VPS13A: variants seen among roughly 807,000 people sequenced by gnomAD.
VPS13A encodes the protein vacuolar protein sorting 13 homolog A.
In VPS13A, 264 loss-of-function variants were observed where a neutral mutation model predicts 390.9. The observed-to-expected ratio is 0.68, with a 90% CI of 0.61 to 0.75. VPS13A has a LOEUF of 0.75. Among genes scored for constraint, VPS13A ranks in the 30% least tolerant of loss-of-function variants. VPS13A has a pLI of 0.00. For synonymous variants in VPS13A, 1,231 were observed against 1,227.1 expected (o/e 1.00, Z -0.07); for missense variants, 3,409 against 3,733.9 (o/e 0.91, Z 2.27).
At chr9:77,189,071 A>G (rs1219484677) in intron 1 of VPS13A, among the ~76,000 whole-genome samples, 1 of 134,898 alleles carries the variant, frequency 7.4e-6, no homozygotes, top group Non-Finnish European at 1.6e-5. Flanking sequence ...TTGTCTGTTT[A>G]CTCTGTGGAC....
At chr9:77,404,146 A>AAAGT (rs1311549242) in intron 69 of VPS13A, among the ~76,000 whole-genome samples, 2 of 152,154 alleles carry the variant, frequency 1.3e-5, no homozygotes, top group Non-Finnish European at 2.9e-5. Context: ...ATACCTGTAA[A>AAAGT]AAGTAAGTCT....
intron 68 of VPS13A, among the ~76,000 whole-genome samples, chr9:77,400,971 G>A (rs1834364129): frequency 6.6e-6 from 1 of 152,010 alleles, no homozygotes; most frequent in African/African-American, 2.4e-5. Flanking sequence ...TACTTAAAAC[G>A]CCATTTATTT....
rs76298245 is a variant in VPS13A at position 77,388,987 on chromosome 9, C to T, written c.9189+6900C>T. Reference sequence around the variant, plus strand: ...ACAACTTTAGTATTTTATAAAGATACGAAATTTTTCAACATTAGTTATTTT... The same window carrying T: ...ACAACTTTAGTATTTTATAAAGATATGAAATTTTTCAACATTAGTTATTTT... On this transcript the variant is annotated intron_variant, in intron 68 of 71. Transcript: ENST00000360280. 5.5e-3 allele frequency among the ~76,000 whole-genome samples: 842 copies of T among 152,060 alleles called. 7 individuals are homozygous for T. The highest frequency in any genetic ancestry group is 0.014 in the Middle Eastern group (4 of 292).
At chr9:77,246,112 A>G (rs1486512943) in intron 19 of VPS13A, among the ~76,000 whole-genome samples, 1 of 152,234 alleles carries the variant, frequency 6.6e-6, no homozygotes, top group African/African-American at 2.4e-5. Flanking sequence ...CACCTCCAGC[A>G]TTAAAAATCA....
chr9:77,230,989 G>A (rs1587378219), intron 17 of VPS13A, among the ~76,000 whole-genome samples: 1 of 151,988 alleles, frequency 6.6e-6, no homozygotes, highest in African/African-American at 2.4e-5. Flanking sequence ...GTATTTTATT[G>A]TTTTTGATGA....
intron 23 of VPS13A, among the ~76,000 whole-genome samples, chr9:77,266,617 G>A (rs986680144): frequency 6.6e-6 from 1 of 151,994 alleles, no homozygotes; most frequent in African/African-American, 2.4e-5. Context: ...TTCAACCTTG[G>A]TGAATCTGAC....
chr9:77,396,949 G>C (rs1343712670), intron 68 of VPS13A, among the ~76,000 whole-genome samples: 1 of 152,056 alleles, frequency 6.6e-6, no homozygotes, highest in Non-Finnish European at 1.5e-5. Flanking sequence ...ATATTTTCTT[G>C]CTTGATAGTA....
intron 52 of VPS13A, among the ~76,000 whole-genome samples, chr9:77,345,392 T>C (rs938494332): frequency 3.3e-5 from 5 of 152,222 alleles, no homozygotes; most frequent in African/African-American, 1.2e-4. Flanking sequence ...AGCTTGTTCA[T>C]TGTTGACTCT....
rs1273870159 is a variant in VPS13A at position 77,182,137 on chromosome 9, G to T, written c.100+4333G>T. On this transcript the variant is annotated intron_variant, in intron 1 of 71. Coordinates refer to ENST00000360280, the MANE Select transcript of VPS13A (RefSeq NM_033305.3). Reference sequence around the variant, plus strand: ...GAGACGGAGTCTCGTTCTGTCACCCGGGTGGGAGTGCAGTGACGCGATCTC... The same window carrying T: ...GAGACGGAGTCTCGTTCTGTCACCCTGGTGGGAGTGCAGTGACGCGATCTC... Among the ~76,000 whole-genome samples the T allele has an allele frequency of 2.0e-5, 3 of 151,870 alleles. No individual in the cohort carries two copies. The South Asian group carries it at 6.2e-4, about 32-fold the overall frequency.
In VPS13A at chr9:77,382,336, G is replaced by A. The variant is rs781066884; in HGVS notation, c.9189+249G>A. 4.6e-6 allele frequency: 7 copies of A among 1,534,910 alleles called. No individual in the cohort carries two copies. In the African/African-American group the frequency reaches 9.6e-5, roughly 21 times the overall value. On this transcript the variant is annotated intron_variant, in intron 68 of 71. Transcript: ENST00000360280. ...ATGACTTTGCAAGTGAAAGCCAACAGTAGATTTTAGTCTTAAAATTTACAA... is the reference window on the plus strand; with the variant it reads ...ATGACTTTGCAAGTGAAAGCCAACAATAGATTTTAGTCTTAAAATTTACAA...
rs10491845 is a variant in VPS13A at position 77,351,094 on chromosome 9, T to C, written c.7290-223T>C. 39,550 of 455,562 alleles carry C rather than the reference T, an allele frequency of 0.087. 1,968 individuals carry two copies. Among genetic ancestry groups the C allele is most frequent in the East Asian group, 0.12 (2,473 of 19,802 alleles). 28.2% of individuals were successfully genotyped at this position (455,562 alleles called of 1,614,324 possible). A position where few individuals can be genotyped will look rare whatever the true frequency, so the allele number is the denominator to read the frequency against. ...ACAGTTTTAAAGACTTGAAGACCTT[T>C]ATTTCCTAAGTAGAACATGTATTTT... On this transcript the variant is annotated intron_variant, in intron 52 of 71. Transcript: ENST00000360280.
chr9:77,190,559 G>C (rs551799453), intron 1 of VPS13A, among the ~76,000 whole-genome samples: 9 of 152,142 alleles, frequency 5.9e-5, no homozygotes, highest in Non-Finnish European at 8.8e-5. Context: ...TCTCTGCCAG[G>C]TTTTGTTATC....
intron 71 of VPS13A, among the ~76,000 whole-genome samples, chr9:77,411,662 A>AAAAAAAG (rs1834932202): frequency 1.1e-5 from 1 of 92,954 alleles, no homozygotes; most frequent in African/African-American, 4.3e-5. Flanking sequence ...CTCCATCTCA[A>AAAAAAAG]AAAAAAAAAA....
chr9:77,206,149 A>G (rs1479802145), intron 5 of VPS13A, 70 bp downstream of exon 5: 6 of 1,087,186 alleles, frequency 5.5e-6, no homozygotes, highest in Non-Finnish European at 6.7e-6. Context: ...TCATAATTGA[A>G]TATTATTTTT....
At chr9:77,369,267 TGA>T (rs1290654916) in intron 62 of VPS13A, 30 bp from the exon 63 acceptor site, 1 of 1,488,684 alleles carries the variant, frequency 6.7e-7, no homozygotes, top group African/African-American at 1.4e-5. Flanking sequence ...TCTAATTATC[TGA>T]ATTGATTAAT....
chr9:77,368,237 G>A, intron 62 of VPS13A, 101 bp downstream of exon 62: 1 of 933,588 alleles, frequency 1.1e-6, no homozygotes, highest in Non-Finnish European at 1.7e-6. Context: ...GAACTAAATA[G>A]CCATTTTCAA....
At chr9:77,359,224 T>C (rs1028093308) in intron 57 of VPS13A, 109 bp from the exon 58 acceptor site, 8 of 906,030 alleles carry the variant, frequency 8.8e-6, no homozygotes, top group South Asian at 1.5e-5. Context: ...TTAACTGATA[T>C]TTATTATTTA....
intron 17 of VPS13A, among the ~76,000 whole-genome samples, chr9:77,235,521 G>C (rs746677944): frequency 6.6e-5 from 10 of 152,098 alleles, no homozygotes; most frequent in Non-Finnish European, 1.5e-5. Context: ...TGCTGTGTGA[G>C]TCTCTGAGTT....
rs1564630271 is a variant in VPS13A at position 77,207,235 on chromosome 9, AT to A, written c.385+1157del. The stretch of plus-strand genomic sequence containing the variant: ...ATATTATATATATATATATATATAT[AT>A]ATATATATATATATATAAAACGTGT... On this transcript the variant is annotated intron_variant, in intron 5 of 71. Transcript: ENST00000360280. Among the ~76,000 whole-genome samples, 10 of 109,012 alleles carry A rather than the reference AT, an allele frequency of 9.2e-5. 1 individual carries two copies. Among genetic ancestry groups the A allele is most frequent in the Middle Eastern group, 8.1e-3 (2 of 248 alleles). The allele number at this position is 109,012 out of a possible 152,430, so 71.5% of individuals were successfully genotyped here.
Sources: gnomAD v4.1 joint callset for allele counts (sites outside exome capture counted in the v4.1 genomes callset) on GRCh38, gnomAD v4.1.1 for gene constraint, MANE v1.5 for transcripts, NCBI Gene and HGNC (gene_info 2026-07-23, HGNC 2026-07-21) for gene names.